Variants in TFCP2 observed in about 807,000 individuals in gnomAD.
TFCP2 encodes transcription factor CP2, also known as alpha-globin transcription factor CP2.
Under a neutral mutation model 73.4 loss-of-function variants are expected in TFCP2, and 33 were observed. The observed-to-expected ratio is 0.45, with a 90% CI of 0.34 to 0.60. The LOEUF is 0.60. TFCP2 is among the 20% of genes least tolerant of loss of function. The pLI, the probability that TFCP2 is intolerant of heterozygous loss-of-function variation, is 0.01. For missense variants in TFCP2, 352 were observed against 604.0 expected, an observed-to-expected ratio of 0.58 and a Z score of 4.37; for synonymous variants, 193 against 211.6, an observed-to-expected ratio of 0.91 and a Z score of 0.76.
At chr12:51,113,097 T>C (rs941937584) in intron 4 of TFCP2, among the ~76,000 whole-genome samples, 5 of 152,142 alleles carry the variant, frequency 3.3e-5, no homozygotes, top group Non-Finnish European at 1.5e-5. Context: ...ACTGTGGTAT[T>C]AACTATACTA....
rs1178521901 is a variant in TFCP2, at chr12:51,102,783, A to G, written c.1061-758T>C. On this transcript the variant is annotated intron_variant, in intron 10 of 14. Transcript: ENST00000257915. ...TCATGTGTCACACATGTTCCCTAAC[A>G]CCAATCCTCCCATGAACGTCTTACT... Among the ~76,000 whole-genome samples the G allele has an allele frequency of 2.0e-5, 3 of 151,972 alleles. 1 individual carries two copies. Among genetic ancestry groups the G allele is most frequent in the African/African-American group, 7.2e-5 (3 of 41,386 alleles).
intron 1 of TFCP2, among the ~76,000 whole-genome samples, chr12:51,133,155 T>C (rs1288502038): frequency 1.3e-5 from 2 of 151,842 alleles, no homozygotes; most frequent in Non-Finnish European, 2.9e-5. Context: ...AAAGGTACAT[T>C]CCAAAAGCCA....
chr12:51,123,282 C>T (rs1320796816), intron 1 of TFCP2, among the ~76,000 whole-genome samples: 2 of 152,218 alleles, frequency 1.3e-5, no homozygotes, highest in Non-Finnish European at 2.9e-5. Context: ...TTCAATTATT[C>T]ATATTCTTGC....
chr12:51,112,556 G>A (rs1940427701), intron 4 of TFCP2, among the ~76,000 whole-genome samples: 1 of 152,112 alleles, frequency 6.6e-6, no homozygotes, highest in Non-Finnish European at 1.5e-5. Context: ...GAATGAAAGT[G>A]GGAAAATTTT....
At chr12:51,167,818 T>G (rs907958365) in intron 1 of TFCP2, among the ~76,000 whole-genome samples, 1 of 152,132 alleles carries the variant, frequency 6.6e-6, no homozygotes, top group African/African-American at 2.4e-5. Context: ...TACAGCAATT[T>G]GGGAGGCCAA....
intron 1 of TFCP2, 44 bp from the exon 2 acceptor site, chr12:51,118,816 C>T (rs756119875): frequency 1.2e-6 from 2 of 1,602,168 alleles, no homozygotes; most frequent in Admixed American, 3.4e-5. Context: ...GGCAATGGTG[C>T]AAACGCAGGT....
intron 1 of TFCP2, among the ~76,000 whole-genome samples, chr12:51,128,409 T>C (rs967283465): frequency 2.0e-5 from 3 of 151,330 alleles, no homozygotes; most frequent in African/African-American, 7.3e-5. Flanking sequence ...CACACCAGCA[T>C]GGCACTTGTA....
chr12:51,138,974 A>C (rs918314587), intron 1 of TFCP2, among the ~76,000 whole-genome samples: 4 of 152,216 alleles, frequency 2.6e-5, no homozygotes, highest in African/African-American at 9.7e-5. Flanking sequence ...CTTTTCTTCT[A>C]AAATGGCCAG....
chr12:51,133,913 C>A (rs1199523567), intron 1 of TFCP2, among the ~76,000 whole-genome samples: 2 of 99,896 alleles, frequency 2.0e-5, no homozygotes, highest in Non-Finnish European at 4.1e-5. Context: ...CAGGGCGAGA[C>A]CCTGTCTCAA....
chr12:51,139,763 CCTCAA>C (rs10592146), intron 1 of TFCP2, among the ~76,000 whole-genome samples: 110,433 of 151,342 alleles, frequency 0.73, 40,399 homozygotes, highest in Non-Finnish European at 0.76. Context: ...CTCTCTTCTA[CCTCAA>C]CTCAATTGCT....
chr12:51,154,285 T>C (rs1941492916), intron 1 of TFCP2, among the ~76,000 whole-genome samples: 1 of 152,168 alleles, frequency 6.6e-6, no homozygotes, highest in African/African-American at 2.4e-5. Flanking sequence ...TCAAACCCCG[T>C]ATAGTGTGTT....
At chr12:51,122,383 C>T (rs1417990155) in intron 1 of TFCP2, among the ~76,000 whole-genome samples, 6 of 150,900 alleles carry the variant, frequency 4.0e-5, no homozygotes, top group African/African-American at 9.8e-5. Flanking sequence ...CTCAGCTTCC[C>T]GGGTAGCTGG....
At chr12:51,116,742 T>C (rs1187560646) in intron 3 of TFCP2, among the ~76,000 whole-genome samples, 1 of 151,976 alleles carries the variant, frequency 6.6e-6, no homozygotes, top group Admixed American at 6.6e-5. Flanking sequence ...CTCAGCCTCC[T>C]GAGTAGCTGG....
At position 51,098,915 on chromosome 12, in the gene TFCP2, T is replaced by C. The variant is rs1208837022; in HGVS notation, c.1280A>G (p.Tyr427Cys). The C allele has an allele frequency of 6.2e-7, 1 of 1,614,072 alleles. No homozygotes were observed. Among genetic ancestry groups the C allele is most frequent in the South Asian group, 1.1e-5 (1 of 91,076 alleles). The part of the protein sequence containing the change: ...DGDSNGTFFV[Y>C]HAIYLEELTA... ...TAGTTCTTCTAGATAGATAGCATGGTAAACTGCAAAAGGGAGAGAGCAACA... is the reference window on the plus strand; with the variant it reads ...TAGTTCTTCTAGATAGATAGCATGGCAAACTGCAAAAGGGAGAGAGCAACA... The change falls in exon 13 of 15, where the codon TAC (tyrosine) becomes TGC (cysteine). Residue 427 changes from tyrosine (Y) to cysteine (C), a missense_variant. This residue lies in a region of TFCP2 where 194 missense variants were observed against 256.3 expected (regional missense o/e 0.76). Transcript: ENST00000257915.
chr12:51,140,488 G>A (rs187646828), intron 1 of TFCP2, among the ~76,000 whole-genome samples: 2 of 85,596 alleles, frequency 2.3e-5, no homozygotes, highest in East Asian at 8.3e-4. Context: ...GTCTCAAAAT[G>A]TTGCCCCGGC....
intron 1 of TFCP2, among the ~76,000 whole-genome samples, chr12:51,137,512 C>A (rs1161574392): frequency 3.3e-5 from 5 of 152,048 alleles, no homozygotes; most frequent in Non-Finnish European, 2.9e-5. Context: ...TAGATATAGG[C>A]CTACCTTCTT....
intron 1 of TFCP2, among the ~76,000 whole-genome samples, chr12:51,128,290 A>G (rs779377571): frequency 1.3e-5 from 2 of 152,140 alleles, no homozygotes; most frequent in Non-Finnish European, 2.9e-5. Context: ...TGTGACGTGC[A>G]GGACAAGCAA....
chr12:51,113,403 T>C (rs972275941), intron 4 of TFCP2, among the ~76,000 whole-genome samples: 1 of 152,160 alleles, frequency 6.6e-6, no homozygotes, highest in African/African-American at 2.4e-5. Context: ...AAAAACAAAT[T>C]CTACTCTGTG....
At chr12:51,138,742 G>A (rs12833565) in intron 1 of TFCP2, among the ~76,000 whole-genome samples, 25,549 of 152,010 alleles carry the variant, frequency 0.17, 2,393 homozygotes, top group South Asian at 0.26. Context: ...GGGTCCAAGC[G>A]ATTCTCCTGC....
Sources: allele counts gnomAD v4.1 joint callset (sites outside exome capture counted in the v4.1 genomes callset), GRCh38; gene constraint gnomAD v4.1.1; regional missense constraint gnomAD v4.1.1; transcripts MANE v1.5; gene names NCBI Gene and HGNC (gene_info 2026-07-23, HGNC 2026-07-21).